Variants in TAF6L observed in about 807,000 individuals in gnomAD.
TAF6L encodes TAF6-like RNA polymerase II p300/CBP-associated factor-associated factor 65 kDa subunit 6L.
In TAF6L, 34 loss-of-function variants were observed where a neutral mutation model predicts 57.3. The observed-to-expected ratio is 0.59, with a 90% confidence interval of 0.45 to 0.79. The LOEUF is 0.79. TAF6L is among the 30% of genes least tolerant of loss of function. TAF6L has a pLI of 0.00. For synonymous variants in TAF6L, 417 were observed against 376.3 expected, an observed-to-expected ratio of 1.11 and a Z score of -1.25; for missense variants, 782 against 853.2, an observed-to-expected ratio of 0.92 and a Z score of 1.04.
rs754205351 is a variant in TAF6L, at chr11:62,775,803, G to T, written c.20G>T (p.Arg7Leu). Residue 7 changes from arginine to leucine, a missense_variant, in exon 2 of 11, where the codon CGG becomes CTG. Arg to Leu is a moderately radical substitution (Grantham distance 102). Transcript: ENST00000294168. The part of the protein sequence containing the change: MSEREE[R>L]RFVEIPRESV... ...GGGGCCATGTCAGAGCGAGAAGAGC[G>T]GCGGTTTGTGGAGATCCCTCGGGAG... is the stretch of plus-strand genomic sequence containing the variant. 6.2e-6 allele frequency: 10 copies of T among 1,610,566 alleles called. No individual in the cohort carries two copies. Among genetic ancestry groups the T allele is most frequent in the Non-Finnish European group, 8.5e-6 (10 of 1,179,722 alleles).
rs2084238586 is a variant in TAF6L at position 62,782,607 on chromosome 11, A to C, written c.828-86A>C. On this transcript the variant is annotated intron_variant, in intron 8 of 10. Transcript: ENST00000294168. ...CCCAGCACTCCCGAGTGTGCTGTAC[A>C]GATGCTATTCTCTTTGTGTTGTCTT... 10 of 1,562,896 alleles carry C rather than the reference A, an allele frequency of 6.4e-6. No individual in the cohort carries two copies. In the South Asian group the frequency reaches 1.2e-4, roughly 19 times the overall value.
chr11:62,777,832 G>C, intron 3 of TAF6L, 146 bp from the exon 4 acceptor site: 1 of 969,972 alleles, frequency 1.0e-6, no homozygotes, highest in Non-Finnish European at 1.5e-6. Flanking sequence ...GTGGCTCTGA[G>C]TCCCAGGCTT....
chr11:62,782,537 CT>C, intron 8 of TAF6L, 155 bp from the exon 9 acceptor site: 4 of 1,187,312 alleles, frequency 3.4e-6, no homozygotes, highest in Non-Finnish European at 3.5e-6. Context: ...TTCTTCAGCC[CT>C]CAGGTCCTAG....
In TAF6L at chr11:62,775,807, G is replaced by A. The variant is rs75592271; in HGVS notation, c.24G>A (p.Arg8=). 6,362 of 1,611,408 alleles carry A rather than the reference G, an allele frequency of 3.9e-3. 219 individuals are homozygous for A. In the African/African-American group the frequency reaches 0.078, roughly 20 times the overall value. The change falls in exon 2 of 11, where the codon CGG becomes CGA. Residue 8 remains arginine (R), a synonymous_variant. Transcript: ENST00000294168. MSEREER[R]FVEIPRESVR... ...CCATGTCAGAGCGAGAAGAGCGGCG[G>A]TTTGTGGAGATCCCTCGGGAGTCTG...
chr11:62,777,139 T>G (rs2084193707), intron 3 of TAF6L, among the ~76,000 whole-genome samples: 2 of 147,160 alleles, frequency 1.4e-5, no homozygotes, highest in South Asian at 4.3e-4. Context: ...AGAGCAGGAC[T>G]CCATGTCAAA....
chr11:62,772,373 A>G (rs1590931339), intron 1 of TAF6L, among the ~76,000 whole-genome samples: 3 of 152,020 alleles, frequency 2.0e-5, no homozygotes, highest in Admixed American at 6.6e-5. Flanking sequence ...AATACAAAAA[A>G]TTAGCTGGGC....
At chr11:62,776,075 T>C in intron 2 of TAF6L, 145 bp downstream of exon 2, 1 of 1,155,094 alleles carries the variant, frequency 8.7e-7, no homozygotes, top group South Asian at 1.6e-5. Context: ...GAACTCTACT[T>C]GTAGCTGTCT....
At chr11:62,779,474 T>C (rs1342921058) in intron 6 of TAF6L, among the ~76,000 whole-genome samples, 4 of 151,870 alleles carry the variant, frequency 2.6e-5, no homozygotes, top group Non-Finnish European at 5.9e-5. Flanking sequence ...GGATTACAAG[T>C]GTGAGCCACC....
chr11:62,782,837 G>A lies in TAF6L; in HGVS notation c.960+12G>A. The A allele has an allele frequency of 3.1e-6, 5 of 1,613,534 alleles. 1 individual carries two copies. The highest frequency in any genetic ancestry group is 1.7e-4 in the Middle Eastern group (1 of 5,998). ...CTCTTGGCTGGAAGGTGAGCACCCTGGCCTTTCTCACACAGCCGTAAGAAC... is the reference window on the plus strand; with the variant it reads ...CTCTTGGCTGGAAGGTGAGCACCCTAGCCTTTCTCACACAGCCGTAAGAAC... On this transcript the variant is annotated intron_variant, in intron 9 of 10. Coordinates refer to ENST00000294168, the MANE Select transcript of TAF6L (RefSeq NM_006473.4).
chr11:62,772,202 A>C (rs2084153731), intron 1 of TAF6L: 2 of 454,590 alleles, frequency 4.4e-6, no homozygotes, highest in Non-Finnish European at 8.8e-6. Context: ...CATATAAAGC[A>C]CTTAGCTGTG....
At chr11:62,774,763 A>G (rs1427226705) in intron 1 of TAF6L, 3 of 394,998 alleles carry the variant, frequency 7.6e-6, no homozygotes, top group African/African-American at 6.2e-5. Flanking sequence ...AGCCTGGCCA[A>G]CATGGCGAAA....
chr11:62,776,840 C>G lies in TAF6L; in HGVS notation c.234+370C>G, dbSNP rs547658111. Among the ~76,000 whole-genome samples the G allele has an allele frequency of 6.1e-5, 8 of 130,094 alleles. No individual in the cohort carries two copies. The South Asian group carries it at 2.0e-3, about 33-fold the overall frequency. The allele number at this position is 130,094 out of a possible 152,430, so 85.3% of individuals were successfully genotyped here. On this transcript the variant is annotated intron_variant, in intron 3 of 10. Transcript: ENST00000294168. The stretch of plus-strand genomic sequence containing the variant: ...CCTGGGCAACAGAGCAAGACCCTGT[C>G]TCAAAAAAAGAAAAAAAAAAAAAAA...
At chr11:62,782,387 G>A in intron 8 of TAF6L, 54 bp downstream of exon 8, 2 of 1,572,778 alleles carry the variant, frequency 1.3e-6, no homozygotes, top group Non-Finnish European at 1.7e-6. Context: ...CAAGTGGGTT[G>A]GGGTAAGGAA....
intron 3 of TAF6L, 64 bp downstream of exon 3, chr11:62,776,534 G>T: frequency 1.3e-6 from 2 of 1,525,498 alleles, no homozygotes; most frequent in South Asian, 2.2e-5. Flanking sequence ...TCCAGTTCAG[G>T]GCTGGCGATG....
At chr11:62,786,096 G>C in intron 9 of TAF6L, 164 bp from the exon 10 acceptor site, 1 of 828,098 alleles carries the variant, frequency 1.2e-6, no homozygotes, top group Non-Finnish European at 1.9e-6. Flanking sequence ...TAGGTATACA[G>C]TAGGTTCCAA....
intron 1 of TAF6L, chr11:62,771,975 T>C (rs908009392): frequency 2.1e-5 from 8 of 389,258 alleles, no homozygotes; most frequent in African/African-American, 1.7e-4. Flanking sequence ...GATCCAGGCC[T>C]TGTTCCCCAT....
chr11:62,777,941 T>G (rs1417501740), intron 3 of TAF6L, 37 bp from the exon 4 acceptor site: 31 of 1,609,032 alleles, frequency 1.9e-5, no homozygotes, highest in Non-Finnish European at 2.5e-5. Context: ...GCTCCCTCCC[T>G]GGATTCAGGC....
In TAF6L at chr11:62,786,669, C is replaced by T; in HGVS notation, c.1242C>T (p.Ser414=). ...ESSSGGGAEP[S]FGSGLPLPPG... ...CCTCCGGGGGCGGTGCAGAACCCAG[C>T]TTTGGGTCCGGCCTCCCGCTGCCGC... The change falls in exon 11 of 11, where the codon AGC becomes AGT. Residue 414 remains serine (S), a synonymous_variant. Transcript: ENST00000294168. 2.5e-6 allele frequency: 4 copies of T among 1,611,672 alleles called. No individual in the cohort carries two copies. Among genetic ancestry groups the T allele is most frequent in the Non-Finnish European group, 2.5e-6 (3 of 1,179,000 alleles).
chr11:62,786,326 G>T lies in TAF6L; in HGVS notation c.1027G>T (p.Asp343Tyr). ...YWTNLQAVLD[D>Y]YSVSNAQVKA... is the part of the protein sequence containing the mutation. ...GACAAACTTGCAGGCTGTGCTGGAT[G>T]ATTATTCAGTATCTAATGCCCAGGT... Residue 343 changes from aspartate to tyrosine, a missense_variant, in exon 10 of 11, where the codon GAT becomes TAT. Around this residue, in one of 3 missense-constraint regions of TAF6L, gnomAD observed 483 missense variants for 445.1 expected, o/e 1.09. Transcript: ENST00000294168. The T allele has an allele frequency of 6.2e-7, 1 of 1,614,164 alleles. No homozygotes were observed. Among genetic ancestry groups the T allele is most frequent in the South Asian group, 1.1e-5 (1 of 91,070 alleles).
Sources: gnomAD v4.1 joint callset for allele counts (sites outside exome capture counted in the v4.1 genomes callset) on GRCh38, gnomAD v4.1.1 for gene constraint, gnomAD v4.1.1 regional missense constraint, MANE v1.5 for transcripts, NCBI Gene and HGNC (gene_info 2026-07-23, HGNC 2026-07-21) for gene names.